Variants in KATNB1 observed in about 807,000 individuals in gnomAD.
KATNB1 encodes katanin p80 WD40 repeat-containing subunit B1.
In KATNB1, 38 loss-of-function variants were observed where a neutral mutation model predicts 82.3. The ratio of observed to expected loss-of-function variants is 0.46; its 90% CI spans 0.36 to 0.61. The LOEUF (loss-of-function observed/expected upper bound fraction) is 0.61, where lower values mean the gene tolerates loss of function less well. KATNB1 is among the 20% of genes least tolerant of loss of function. The pLI, the probability that KATNB1 is intolerant of heterozygous loss-of-function variation, is 0.00. For missense variants in KATNB1, 749 were observed against 915.7 expected (o/e 0.82, Z 2.35); for synonymous variants, 361 against 368.7 (o/e 0.98, Z 0.24).
intron 4 of KATNB1, 125 bp downstream of exon 4, chr16:57,744,636 C>T (rs1388426281): frequency 7.4e-6 from 6 of 805,796 alleles, no homozygotes; most frequent in Non-Finnish European, 1.3e-5. Flanking sequence ...GGAGCACTAA[C>T]CCGGCAGTGT....
At chr16:57,739,579 TGAA>T (rs1286805449) in intron 2 of KATNB1, among the ~76,000 whole-genome samples, 1 of 152,180 alleles carries the variant, frequency 6.6e-6, no homozygotes, top group African/African-American at 2.4e-5. Context: ...CAAGCCAGGA[TGAA>T]GGAGGAGCTC....
intron 2 of KATNB1, among the ~76,000 whole-genome samples, chr16:57,738,693 G>C (rs1446922520): frequency 1.3e-5 from 2 of 152,196 alleles, no homozygotes; most frequent in Admixed American, 1.3e-4. Flanking sequence ...AGGGCTCTGG[G>C]AGAACCCTGT....
At chr16:57,738,068 C>T (rs553465665) in intron 2 of KATNB1, among the ~76,000 whole-genome samples, 1 of 152,066 alleles carries the variant, frequency 6.6e-6, no homozygotes, top group Non-Finnish European at 1.5e-5. Context: ...CTTCTCAGAC[C>T]CCCCGAAAGG....
chr16:57,740,879 C>T (rs1202709035), intron 2 of KATNB1, among the ~76,000 whole-genome samples: 1 of 152,210 alleles, frequency 6.6e-6, no homozygotes, highest in Non-Finnish European at 1.5e-5. Context: ...CATGCCCACT[C>T]TCTCATGGTG....
At chr16:57,744,540 C>A (rs150479961) in intron 4 of KATNB1, 29 bp downstream of exon 4, 2 of 1,526,518 alleles carry the variant, frequency 1.3e-6, no homozygotes, top group Middle Eastern at 1.7e-4. Flanking sequence ...CTCCTGTGCA[C>A]GCACACCTGC....
chr16:57,740,777 G>A (rs2049136282), intron 2 of KATNB1, among the ~76,000 whole-genome samples: 2 of 152,260 alleles, frequency 1.3e-5, no homozygotes, highest in African/African-American at 4.8e-5. Flanking sequence ...CCTCCTCTGT[G>A]TGGTCAGCCC....
Position 57,750,837 on chromosome 16 carries a change from A to T in KATNB1, c.300A>T (p.Thr100=). ...WDLEAAKILR[T]LMGHKANICS... ...TTTCCTTCTTGTTAGTTCTTCGCAC[A>T]CTCATGGGACACAAAGCCAACATCT... The change falls in exon 5 of 20, where the codon ACA becomes ACT. Residue 100 remains threonine, a synonymous_variant. Coordinates refer to ENST00000379661, the MANE Select transcript of KATNB1 (RefSeq NM_005886.3). The T allele has an allele frequency of 6.2e-7, 1 of 1,613,930 alleles. No individual in the cohort carries two copies. The highest frequency in any genetic ancestry group is 1.7e-5 in the Admixed American group (1 of 60,014).
chr16:57,755,556 C>T (rs374262664), intron 16 of KATNB1, 62 bp downstream of exon 16: 22 of 1,577,828 alleles, frequency 1.4e-5, no homozygotes, highest in African/African-American at 5.4e-5. Context: ...CCTGCCTGCC[C>T]GGGCTTGGGG....
chr16:57,754,365 G>A (rs1245910947), intron 13 of KATNB1, among the ~76,000 whole-genome samples: 1 of 152,192 alleles, frequency 6.6e-6, no homozygotes, highest in Non-Finnish European at 1.5e-5. Context: ...GCCTGTCAAG[G>A]CCTGGGGGCC....
chr16:57,752,848 T>C lies in KATNB1; in HGVS notation c.775T>C (p.Trp259Arg). ...GCQDSLRVYG[W>R]EPERCFDVVL... ...CCAGGACTCACTGCGTGTCTACGGC[T>C]GGGAACCTGAGCGGTGCTTTGATGT... Residue 259 changes from tryptophan (W) to arginine (R), a missense_variant, in exon 10 of 20, where the codon TGG becomes CGG. Transcript: ENST00000379661. The C allele has an allele frequency of 6.2e-7, 1 of 1,610,542 alleles. No homozygotes were observed. Among genetic ancestry groups the C allele is most frequent in the Non-Finnish European group, 8.5e-7 (1 of 1,179,822 alleles).
At position 57,751,173 on chromosome 16, in the gene KATNB1, C is replaced by G; in HGVS notation, c.391-88C>G. 1 of 1,290,708 alleles carries G rather than the reference C, an allele frequency of 7.7e-7. No homozygotes were observed. The highest frequency in any genetic ancestry group is 1.2e-5 in the South Asian group (1 of 83,710). 80.0% of individuals were successfully genotyped at this position (1,290,708 alleles called of 1,614,324 possible). On this transcript the variant is annotated intron_variant, in intron 5 of 19. Coordinates refer to ENST00000379661, the MANE Select transcript of KATNB1 (RefSeq NM_005886.3). This position sits in a 1 kb window ranked among gnomAD's most constrained non-coding sequence, Gnocchi z 6.3. Reference sequence around the variant, plus strand: ...GTAACGACCTAGAGAAGGCTGGGCCCCACCGTCTGCTCACGACTGCACACC... The same window carrying G: ...GTAACGACCTAGAGAAGGCTGGGCCGCACCGTCTGCTCACGACTGCACACC...
Position 57,756,808 on chromosome 16 carries a change from C to T in KATNB1, c.1836-6C>T. On this transcript the variant is annotated splice_polypyrimidine_tract_variant and splice_region_variant and intron_variant, in intron 19 of 19. Coordinates refer to ENST00000379661, the MANE Select transcript of KATNB1 (RefSeq NM_005886.3). ...GCTAGCCCCTCAGGCACTGCCCTCT[C>T]TACAGGCTGCATAAGTGCCGGCTCT... 6.4e-7 allele frequency: 1 copy of T among 1,558,206 alleles called. No homozygotes were observed. Among genetic ancestry groups the T allele is most frequent in the South Asian group, 1.2e-5 (1 of 82,590 alleles).
rs139909887 is a variant in KATNB1 at position 57,756,911 on chromosome 16, C to G, written c.1933C>G (p.Arg645Gly). 1 of 1,550,678 alleles carries G rather than the reference C, an allele frequency of 6.4e-7. No homozygotes were observed. Among genetic ancestry groups the G allele is most frequent in the South Asian group, 1.2e-5 (1 of 84,066 alleles). Residue 645 changes from arginine to glycine, a missense_variant, in exon 20 of 20, where the codon CGC (arginine) becomes GGC (glycine). Transcript: ENST00000379661. ...GAGCGGCCGCCATGGCAGTACCTTC[C>G]GCGAGCTGCACCTGCTCATGGCCAG... ...GLSGRHGSTF[R>G]ELHLLMASLD
intron 4 of KATNB1, among the ~76,000 whole-genome samples, chr16:57,747,428 C>T (rs2049191638): frequency 6.6e-6 from 1 of 152,224 alleles, no homozygotes; most frequent in South Asian, 2.1e-4. Context: ...TCCCTTTGCT[C>T]AGGAACAGTG....
chr16:57,739,343 C>T lies in KATNB1; in HGVS notation c.40+2060C>T, dbSNP rs75040406. Reference sequence around the variant, plus strand: ...CAGGGTCTGGTGAGGATCAGAGGTGCGTGGCCCACATGAGGTCGTTGAAAC... The same window carrying T: ...CAGGGTCTGGTGAGGATCAGAGGTGTGTGGCCCACATGAGGTCGTTGAAAC... On this transcript the variant is annotated intron_variant, in intron 2 of 19. Coordinates refer to ENST00000379661, the MANE Select transcript of KATNB1 (RefSeq NM_005886.3). 8.5e-4 allele frequency among the ~76,000 whole-genome samples: 130 copies of T among 152,238 alleles called. 3 individuals carry two copies. The East Asian group carries it at 0.021, about 24-fold the overall frequency.
At chr16:57,742,032 A>G (rs1332460211) in intron 3 of KATNB1, among the ~76,000 whole-genome samples, 1 of 152,234 alleles carries the variant, frequency 6.6e-6, no homozygotes, top group African/African-American at 2.4e-5. Flanking sequence ...ACAGCCCAGC[A>G]TGGCTGGGAC....
intron 13 of KATNB1, 113 bp downstream of exon 13, chr16:57,754,108 C>A: frequency 1.2e-6 from 1 of 865,894 alleles, no homozygotes; most frequent in Non-Finnish European, 1.9e-6. Flanking sequence ...CCTCTCAGGA[C>A]ACGACCCACA....
At chr16:57,753,558 C>G (rs375998895) in intron 12 of KATNB1, 39 bp downstream of exon 12, 318 of 1,606,638 alleles carry the variant, frequency 2.0e-4, no homozygotes, top group Admixed American at 1.0e-3. Flanking sequence ...GCGTCCCCAT[C>G]GGTGAAAGGG....
At chr16:57,756,113 G>A (rs781938012) in intron 18 of KATNB1, 47 bp downstream of exon 18, 56 of 1,583,062 alleles carry the variant, frequency 3.5e-5, no homozygotes, top group Non-Finnish European at 4.2e-5. Context: ...GGAGGGGAGA[G>A]GTAAGAAGCC....
Sources: gnomAD v4.1 joint callset for allele counts (sites outside exome capture counted in the v4.1 genomes callset) on GRCh38, gnomAD v4.1.1 for gene constraint, Gnocchi (gnomAD v3.1) non-coding constraint, MANE v1.5 for transcripts, NCBI Gene and HGNC (gene_info 2026-07-23, HGNC 2026-07-21) for gene names.